The following SESN2 variants were observed in gnomAD, a reference collection of about 807,000 sequenced individuals.
SESN2 encodes sestrin 2.
A neutral mutation model predicts 56.0 loss-of-function variants in SESN2; 42 were observed. The ratio of observed to expected loss-of-function variants is 0.75; its 90% CI spans 0.59 to 0.97. SESN2 has a LOEUF of 0.97. Among genes scored for constraint, SESN2 ranks in the 50% least tolerant of loss-of-function variants. SESN2 has a pLI of 0.00. For missense variants in SESN2, 507 were observed against 649.4 expected (o/e 0.78, Z 2.38); for synonymous variants, 264 against 267.1 (o/e 0.99, Z 0.11).
chr1:28,276,316 C>A (rs1557735396), intron 8 of SESN2, among the ~76,000 whole-genome samples: 1 of 151,516 alleles, frequency 6.6e-6, no homozygotes, highest in Non-Finnish European at 1.5e-5. Flanking sequence ...CCCATCTCTA[C>A]AAAAAAATAA....
intron 1 of SESN2, among the ~76,000 whole-genome samples, chr1:28,267,725 G>T (rs1219308533): frequency 6.6e-6 from 1 of 152,204 alleles, no homozygotes; most frequent in African/African-American, 2.4e-5. Flanking sequence ...AGCAGATGTA[G>T]TGAGTACCTG....
chr1:28,260,420 C>G (rs576235210), intron 1 of SESN2, among the ~76,000 whole-genome samples: 3 of 152,132 alleles, frequency 2.0e-5, no homozygotes, highest in Non-Finnish European at 4.4e-5. Context: ...GCTCCTGTCC[C>G]CCAGCGCGGG....
chr1:28,263,781 G>A (rs1647463606), intron 1 of SESN2, among the ~76,000 whole-genome samples: 2 of 152,104 alleles, frequency 1.3e-5, no homozygotes, highest in African/African-American at 4.8e-5. Flanking sequence ...TCTCAGATTG[G>A]CTACTTGTCA....
intron 9 of SESN2, among the ~76,000 whole-genome samples, chr1:28,280,049 C>T (rs956852462): frequency 2.6e-5 from 4 of 151,598 alleles, no homozygotes; most frequent in African/African-American, 9.7e-5. Context: ...TGTTGTCCAT[C>T]CTGGTCTCAA....
intron 5 of SESN2, 114 bp downstream of exon 5, chr1:28,272,907 C>T: frequency 6.2e-6 from 4 of 640,978 alleles, no homozygotes; most frequent in Non-Finnish European, 1.1e-5. Flanking sequence ...CTATGAGAGA[C>T]CATAGAAAAG....
At chr1:28,279,762 G>A (rs1408492502) in intron 9 of SESN2, among the ~76,000 whole-genome samples, 2 of 151,938 alleles carry the variant, frequency 1.3e-5, no homozygotes, top group African/African-American at 2.4e-5. Context: ...AGCCAGGATG[G>A]TCTTGATCTG....
chr1:28,259,798 C>T lies in SESN2; in HGVS notation c.-50C>T, dbSNP rs2149034446. On this transcript the variant is annotated 5_prime_UTR_variant, in exon 1 of 10. Transcript: ENST00000253063. ...CATTCGGGCGTCCCTCCGAAACCCA[C>T]TCGGGTGCACGGGTCGTCGGCGAGC... The T allele has an allele frequency of 7.5e-7, 1 of 1,325,932 alleles. No individual in the cohort carries two copies. The highest frequency in any genetic ancestry group is 9.8e-7 in the Non-Finnish European group (1 of 1,025,574). 82.1% of individuals were successfully genotyped at this position (1,325,932 alleles called of 1,614,324 possible).
At chr1:28,270,208 A>G (rs542546340) in intron 2 of SESN2, among the ~76,000 whole-genome samples, 133 of 152,184 alleles carry the variant, frequency 8.7e-4, no homozygotes, top group African/African-American at 2.8e-3. Context: ...AAAATTAGCC[A>G]GGCGTGGTGG....
chr1:28,279,421 A>G (rs527791195), intron 9 of SESN2, among the ~76,000 whole-genome samples, 180 bp downstream of exon 9: 1 of 152,302 alleles, frequency 6.6e-6, no homozygotes, highest in South Asian at 2.1e-4. Flanking sequence ...CTGTTTACTC[A>G]CCTGTAAAAT....
chr1:28,275,568 C>T (rs2149039925), intron 8 of SESN2, among the ~76,000 whole-genome samples: 1 of 150,258 alleles, frequency 6.7e-6, no homozygotes, highest in African/African-American at 2.5e-5. Context: ...GCCTGACCAA[C>T]ATGGTGAAAC....
At chr1:28,269,082 A>C in intron 1 of SESN2, 101 bp from the exon 2 acceptor site, 2 of 754,326 alleles carry the variant, frequency 2.7e-6, no homozygotes. Context: ...TGGGTTTAAC[A>C]CTTCAGTGTA....
chr1:28,259,895 G>T lies in SESN2; in HGVS notation c.48G>T (p.Leu16=). Residue 16 remains leucine (L), a synonymous_variant, in exon 1 of 10, where the codon CTG becomes CTT. Coordinates refer to ENST00000253063, the MANE Select transcript of SESN2 (RefSeq NM_031459.5). The part of the protein sequence containing the change: ...SECRAELKDY[L]RFAPGGVGDS... ...GCCGCGCAGAGCTCAAGGACTACCT[G>T]CGGTTCGCCCCGGGCGGCGTCGGCG... is the stretch of plus-strand genomic sequence containing the variant. The T allele has an allele frequency of 6.9e-7, 1 of 1,455,236 alleles. No homozygotes were observed. The allele number at this position is 1,455,236 out of a possible 1,614,324, so 90.1% of individuals were successfully genotyped here. A position where few individuals can be genotyped will look rare whatever the true frequency, so the allele number is the denominator to read the frequency against.
chr1:28,275,520 C>T (rs978783477), intron 8 of SESN2, among the ~76,000 whole-genome samples: 28 of 151,358 alleles, frequency 1.8e-4, no homozygotes, highest in African/African-American at 4.6e-4. Flanking sequence ...TTTGGGAGGC[C>T]GAGGCGGGCG....
intron 8 of SESN2, 85 bp from the exon 9 acceptor site, chr1:28,279,012 C>T: frequency 1.5e-6 from 2 of 1,355,504 alleles, no homozygotes; most frequent in South Asian, 1.2e-5. Context: ...ACACTCTGTT[C>T]TTCCCTCTGT....
At chr1:28,269,722 G>A (rs565732824) in intron 2 of SESN2, among the ~76,000 whole-genome samples, 38 of 152,160 alleles carry the variant, frequency 2.5e-4, no homozygotes, top group African/African-American at 8.9e-4. Context: ...TGTTTACTGT[G>A]CTTTTTTCAA....
intron 1 of SESN2, among the ~76,000 whole-genome samples, chr1:28,260,155 CCTCCCTCCCTCTCCCCCT>C (rs1557728264): frequency 2.0e-5 from 3 of 147,550 alleles, no homozygotes; most frequent in Admixed American, 2.0e-4. Flanking sequence ...CTCTCCCCCT[CCTCCCTCCCTCTCCCCCT>C]CTCCCTCACC....
Position 28,275,920 on chromosome 1 carries a change from G to A in SESN2, c.1211+905G>A, listed in dbSNP as rs115515112. On this transcript the variant is annotated intron_variant, in intron 8 of 9. Transcript: ENST00000253063. Reference sequence around the variant, plus strand: ...AAATTAAAAAATTTGCCTGTGTGGTGGCATCACTGGAGTCCAGGAGTTCGA... The same window carrying A: ...AAATTAAAAAATTTGCCTGTGTGGTAGCATCACTGGAGTCCAGGAGTTCGA... 1.6e-3 allele frequency among the ~76,000 whole-genome samples: 236 copies of A among 152,108 alleles called. 1 individual carries two copies. The highest frequency in any genetic ancestry group is 5.5e-3 in the African/African-American group (227 of 41,504).
chr1:28,266,255 C>T (rs778228397), intron 1 of SESN2, among the ~76,000 whole-genome samples: 24 of 152,164 alleles, frequency 1.6e-4, no homozygotes, highest in Non-Finnish European at 2.8e-4. Context: ...GAGGTGGGAC[C>T]TTGGCATTGT....
At chr1:28,277,729 C>T (rs1648100542) in intron 8 of SESN2, among the ~76,000 whole-genome samples, 1 of 152,124 alleles carries the variant, frequency 6.6e-6, no homozygotes, top group South Asian at 2.1e-4. Context: ...AAAAAAGGTA[C>T]GTGCTCCTTG....
Sources: gnomAD v4.1 joint callset for allele counts (sites outside exome capture counted in the v4.1 genomes callset) on GRCh38, gnomAD v4.1.1 for gene constraint, MANE v1.5 for transcripts, NCBI Gene and HGNC (gene_info 2026-07-23, HGNC 2026-07-21) for gene names.